EHBP1: variants seen among roughly 807,000 people sequenced by gnomAD.
EHBP1 encodes the protein EH domain-binding protein 1.
EHBP1 carries 55 observed loss-of-function variants against 144.0 expected under a neutral mutation model. The ratio of observed to expected loss-of-function variants is 0.38; its 90% CI spans 0.31 to 0.48. The LOEUF (loss-of-function observed/expected upper bound fraction) is 0.48. Ranked by LOEUF, EHBP1 falls within the 20% of genes least tolerant of loss-of-function variation. The probability of loss-of-function intolerance (pLI) is 0.98; values close to 1 mark genes in which losing one functional copy is unlikely to be tolerated. For synonymous variants in EHBP1, 469 were observed against 472.7 expected, an observed-to-expected ratio of 0.99 and a Z score of 0.10; for missense variants, 1,200 against 1,364.2, an observed-to-expected ratio of 0.88 and a Z score of 1.90.
intron 7 of EHBP1, among the ~76,000 whole-genome samples, chr2:62,833,572 TAC>T (rs1371870061): frequency 6.6e-6 from 1 of 152,174 alleles, no homozygotes; most frequent in African/African-American, 2.4e-5. Context: ...AGACCTGCCG[TAC>T]AGAAAAAAGA....
chr2:62,768,338 C>T (rs2041362476), intron 4 of EHBP1, among the ~76,000 whole-genome samples: 2 of 152,144 alleles, frequency 1.3e-5, no homozygotes, highest in Non-Finnish European at 2.9e-5. Flanking sequence ...GAGGCTGTTA[C>T]CACTGACCTC....
chr2:62,818,953 A>G (rs2045661349), intron 5 of EHBP1, among the ~76,000 whole-genome samples: 1 of 152,290 alleles, frequency 6.6e-6, no homozygotes, highest in East Asian at 1.9e-4. Flanking sequence ...GGGTGGGGAG[A>G]AAATATTTAA....
intron 18 of EHBP1, among the ~76,000 whole-genome samples, chr2:62,995,518 G>C (rs576497790): frequency 4.6e-5 from 7 of 152,138 alleles, no homozygotes; most frequent in African/African-American, 1.4e-4. Flanking sequence ...TTAAGGAGTA[G>C]TGAAATATAA....
Position 62,773,728 on chromosome 2 carries a change from G to A in EHBP1, c.312+2336G>A, listed in dbSNP as rs2041839662. 2.6e-5 allele frequency among the ~76,000 whole-genome samples: 4 copies of A among 151,512 alleles called. No individual in the cohort carries two copies. The South Asian group carries it at 8.3e-4, about 31-fold the overall frequency. ...TAGTTGGGCTTGGTGGCGTGCGCCT[G>A]TAATCCCAGCTACTCGGGAGACTGA... On this transcript the variant is annotated intron_variant, in intron 5 of 22. Transcript: ENST00000431489.
intron 19 of EHBP1, among the ~76,000 whole-genome samples, chr2:63,006,114 A>G (rs543854260): frequency 6.6e-6 from 1 of 152,112 alleles, no homozygotes; most frequent in South Asian, 2.1e-4. Context: ...TCTTTCCAGT[A>G]GCTTATAAAA....
chr2:62,830,796 T>G (rs1001749374), intron 6 of EHBP1, among the ~76,000 whole-genome samples: 1 of 152,204 alleles, frequency 6.6e-6, no homozygotes, highest in African/African-American at 2.4e-5. Flanking sequence ...GTCTTTGATC[T>G]AACCAGTTAA....
chr2:62,740,223 A>G lies in EHBP1; in HGVS notation c.105-7172A>G, dbSNP rs1486873928. Among the ~76,000 whole-genome samples, 3 of 152,306 alleles carry G rather than the reference A, an allele frequency of 2.0e-5. No individual in the cohort carries two copies. The East Asian group carries it at 5.8e-4, about 29-fold the overall frequency. On this transcript the variant is annotated intron_variant, in intron 2 of 22. Coordinates refer to ENST00000431489, the MANE Select transcript of EHBP1 (RefSeq NM_001142616.3). ...AGAATGACACAAAAATATAAGTAAA[A>G]AAACAAAGTATTTTTATTTAACTGA...
At chr2:62,930,426 T>A (rs1200101336) in intron 10 of EHBP1, among the ~76,000 whole-genome samples, 1 of 152,196 alleles carries the variant, frequency 6.6e-6, no homozygotes, top group Non-Finnish European at 1.5e-5. Context: ...CTTAGAAAAC[T>A]TAATATTGTT....
chr2:62,979,481 G>A, intron 15 of EHBP1, 146 bp downstream of exon 15: 1 of 839,126 alleles, frequency 1.2e-6, no homozygotes, highest in Non-Finnish European at 1.7e-6. Flanking sequence ...CCTAAAGGAA[G>A]CATAGTAAAT....
rs568546859 is a variant in EHBP1 at position 62,922,560 on chromosome 2, A to G, written c.1186-20158A>G. 3.3e-5 allele frequency among the ~76,000 whole-genome samples: 5 copies of G among 152,364 alleles called. No individual in the cohort carries two copies. In the South Asian group the frequency reaches 1.0e-3, roughly 32 times the overall value. On this transcript the variant is annotated intron_variant, in intron 10 of 22. Transcript: ENST00000431489. ...ATACTAATATCAGACAAAATGGACT[A>G]AATTTAAAAAGGTTATAGGGAAGAT...
intron 2 of EHBP1, among the ~76,000 whole-genome samples, chr2:62,729,599 A>G (rs2037294983): frequency 1.6e-5 from 2 of 128,418 alleles, no homozygotes; most frequent in Non-Finnish European, 3.1e-5. Flanking sequence ...AATATATATA[A>G]TAATAAATAT....
chr2:63,036,918 A>G (rs1011774306), intron 19 of EHBP1, among the ~76,000 whole-genome samples: 38 of 151,962 alleles, frequency 2.5e-4, no homozygotes, highest in African/African-American at 9.2e-4. Context: ...TGTTTTCTGA[A>G]CATCATGATG....
chr2:62,824,476 C>T (rs1333683748), intron 5 of EHBP1, among the ~76,000 whole-genome samples: 1 of 151,952 alleles, frequency 6.6e-6, no homozygotes, highest in Non-Finnish European at 1.5e-5. Flanking sequence ...ATTGTCAGAA[C>T]CTTGAACCTT....
chr2:62,842,619 C>T (rs2047991555), intron 7 of EHBP1, among the ~76,000 whole-genome samples: 1 of 152,158 alleles, frequency 6.6e-6, no homozygotes, highest in African/African-American at 2.4e-5. Flanking sequence ...TAAGCTTGAC[C>T]ATTCCATCCT....
Position 62,997,980 on chromosome 2 carries a change from G to C in EHBP1, c.3103+1214G>C, listed in dbSNP as rs564659731. 2.0e-4 allele frequency among the ~76,000 whole-genome samples: 31 copies of C among 152,078 alleles called. No homozygotes were observed. The South Asian group carries it at 6.2e-3, about 31-fold the overall frequency. ...TGAGTTTATTTATCTGAAATAGTGG[G>C]CTTTTGGGGACAGTTTATTTGAAAA... On this transcript the variant is annotated intron_variant, in intron 19 of 22. Transcript: ENST00000431489.
chr2:63,000,470 T>C lies in EHBP1; in HGVS notation c.3103+3704T>C, dbSNP rs183620354. Reference sequence around the variant, plus strand: ...CAGCACTTTGGGAGGCCGAGACAGGTGGATCACCTGAGGTCTGGAGTTCGA... The same window carrying C: ...CAGCACTTTGGGAGGCCGAGACAGGCGGATCACCTGAGGTCTGGAGTTCGA... On this transcript the variant is annotated intron_variant, in intron 19 of 22. Transcript: ENST00000431489. Among the ~76,000 whole-genome samples, 402 of 151,468 alleles carry C rather than the reference T, an allele frequency of 2.7e-3. 2 individuals carry two copies. Among genetic ancestry groups the C allele is most frequent in the Admixed American group, 0.018 (278 of 15,200 alleles).
At chr2:62,960,952 A>G (rs923657215) in intron 14 of EHBP1, among the ~76,000 whole-genome samples, 2 of 152,170 alleles carry the variant, frequency 1.3e-5, no homozygotes, top group African/African-American at 4.8e-5. Flanking sequence ...ATCCTTACAC[A>G]CACCAGCTTT....
At chr2:62,723,248 C>CT (rs1274454960) in intron 2 of EHBP1, among the ~76,000 whole-genome samples, 1 of 152,006 alleles carries the variant, frequency 6.6e-6, no homozygotes, top group Non-Finnish European at 1.5e-5. Flanking sequence ...CCTTCTTTGT[C>CT]TTTTTTAATC....
At chr2:62,990,687 G>A (rs1309105372) in intron 15 of EHBP1, 29 bp from the exon 16 acceptor site, 1 of 1,610,160 alleles carries the variant, frequency 6.2e-7, no homozygotes. Flanking sequence ...ATCTCACTCA[G>A]TTATTCATGG....
Sources: gnomAD v4.1 joint callset for allele counts (sites outside exome capture counted in the v4.1 genomes callset) on GRCh38, gnomAD v4.1.1 for gene constraint, MANE v1.5 for transcripts, NCBI Gene and HGNC (gene_info 2026-07-23, HGNC 2026-07-21) for gene names.